TTC39C: variants seen among roughly 807,000 people sequenced by gnomAD.
TTC39C encodes the protein tetratricopeptide repeat domain 39C, also known as tetratricopeptide repeat protein 39C.
In TTC39C, 33 loss-of-function variants were observed where a neutral mutation model predicts 76.3. That is an observed-to-expected ratio of 0.43 (90% CI 0.33 to 0.58). The LOEUF is 0.58. TTC39C is among the 20% of genes least tolerant of loss of function. The pLI is 0.04. For missense variants in TTC39C, 595 were observed against 701.4 expected, an observed-to-expected ratio of 0.85 and a Z score of 1.71; for synonymous variants, 254 against 260.6, an observed-to-expected ratio of 0.97 and a Z score of 0.24.
In TTC39C at chr18:24,080,725, C is replaced by T; in HGVS notation, c.601C>T (p.His201Tyr). The T allele has an allele frequency of 1.2e-6, 2 of 1,614,122 alleles. No individual in the cohort carries two copies. The highest frequency in any genetic ancestry group is 2.2e-5 in the South Asian group (2 of 91,072). Residue 201 changes from histidine (H) to tyrosine (Y), a missense_variant, in exon 5 of 14, where the codon CAC (histidine) becomes TAC (tyrosine). Physicochemically the swap from His to Tyr is moderately conservative, Grantham distance 83. Transcript: ENST00000317571. ...SLTSDAANDN[H>Y]IVAEGVSEES... ...GACTTCTGATGCTGCAAATGATAATCACATTGTGGCTGAAGGGGTGTCTGA... is the reference window on the plus strand; with the variant it reads ...GACTTCTGATGCTGCAAATGATAATTACATTGTGGCTGAAGGGGTGTCTGA...
intron 6 of TTC39C, among the ~76,000 whole-genome samples, chr18:24,109,245 A>G (rs530769570): frequency 4.1e-4 from 62 of 151,496 alleles, no homozygotes; most frequent in African/African-American, 1.5e-3. Flanking sequence ...AGTCCCAACT[A>G]CTCAGGAGGC....
intron 11 of TTC39C, 129 bp downstream of exon 11, chr18:24,129,112 T>A: frequency 3.4e-6 from 2 of 590,610 alleles, no homozygotes; most frequent in East Asian, 3.2e-5. Context: ...ATCCAATTAT[T>A]TGATTAATGC....
At position 24,124,158 on chromosome 18, in the gene TTC39C, A is replaced by T. The variant is rs979898216; in HGVS notation, c.1296+215A>T. The T allele has an allele frequency of 6.6e-5, 27 of 411,496 alleles. 1 individual carries two copies. Among genetic ancestry groups the T allele is most frequent in the Non-Finnish European group, 1.1e-4 (25 of 234,764 alleles). 25.5% of individuals were successfully genotyped at this position (411,496 alleles called of 1,614,324 possible). ...CTGCAAATAATGAAAGCAGATTTTT[A>T]AAAAATCGATGAGTCCTGCAGATAC... On this transcript the variant is annotated intron_variant, in intron 9 of 13. Coordinates refer to ENST00000317571, the MANE Select transcript of TTC39C (RefSeq NM_001135993.2).
intron 4 of TTC39C, among the ~76,000 whole-genome samples, chr18:24,073,330 C>A (rs117496256): frequency 0.032 from 4,870 of 152,316 alleles, 109 homozygotes; most frequent in Admixed American, 0.068. Flanking sequence ...TCTTTCCCAG[C>A]CACCTGCCCT....
chr18:24,028,675 G>T (rs1002001920), intron 1 of TTC39C, among the ~76,000 whole-genome samples: 4 of 152,098 alleles, frequency 2.6e-5, no homozygotes, highest in African/African-American at 9.7e-5. Flanking sequence ...CCTTTGAAAT[G>T]ACTTTTAACT....
chr18:24,015,229 C>T (rs1386745018), intron 1 of TTC39C, 191 bp downstream of exon 1: 2 of 499,130 alleles, frequency 4.0e-6, no homozygotes, highest in South Asian at 5.1e-5. Context: ...CCACCCCCTA[C>T]CCCCGGCTCC....
At chr18:24,099,958 T>C (rs961724004) in intron 6 of TTC39C, among the ~76,000 whole-genome samples, 5 of 152,236 alleles carry the variant, frequency 3.3e-5, no homozygotes, top group Non-Finnish European at 7.3e-5. Context: ...TGTGTTTTCT[T>C]AATTTTATGA....
intron 3 of TTC39C, 68 bp downstream of exon 3, chr18:24,066,208 G>T: frequency 6.6e-7 from 1 of 1,525,274 alleles, no homozygotes; most frequent in East Asian, 2.5e-5. Context: ...TGTTCATTTA[G>T]AACAAAAGCC....
chr18:24,105,766 C>T (rs2084738891), intron 6 of TTC39C, among the ~76,000 whole-genome samples: 1 of 152,220 alleles, frequency 6.6e-6, no homozygotes, highest in Admixed American at 6.5e-5. Context: ...CTTCGTTTCC[C>T]ACGGCTGCCA....
intron 13 of TTC39C, 110 bp from the exon 14 acceptor site, chr18:24,132,375 A>T (rs2085141071): frequency 1.3e-6 from 1 of 752,118 alleles, no homozygotes; most frequent in Admixed American, 2.9e-5. Flanking sequence ...CTTTACTGGG[A>T]GTGTAGAGAT....
In TTC39C at chr18:24,042,683, C is replaced by T. The variant is rs559705774; in HGVS notation, c.168-21457C>T. Among the ~76,000 whole-genome samples the T allele has an allele frequency of 4.6e-5, 7 of 152,236 alleles. No individual in the cohort carries two copies. The East Asian group carries it at 5.8e-4, about 13-fold the overall frequency. ...TTGTCTAGGGGTCAATGATACTATA[C>T]GTAGGCAAATCTCTCTCCAAGAGTT... is the stretch of plus-strand genomic sequence containing the variant. On this transcript the variant is annotated intron_variant, in intron 1 of 13. Coordinates refer to ENST00000317571, the MANE Select transcript of TTC39C (RefSeq NM_001135993.2).
intron 12 of TTC39C, among the ~76,000 whole-genome samples, chr18:24,131,327 G>A (rs60446168): frequency 6.6e-6 from 1 of 151,844 alleles, no homozygotes. Flanking sequence ...TTATATCTTA[G>A]AGGTTGCCTT....
chr18:24,086,681 C>T (rs1484177338), intron 6 of TTC39C, among the ~76,000 whole-genome samples: 2 of 152,226 alleles, frequency 1.3e-5, no homozygotes, highest in African/African-American at 4.8e-5. Flanking sequence ...CGCTTCTCCC[C>T]ACTGCGTGTC....
At chr18:24,128,073 C>G (rs1234569816) in intron 10 of TTC39C, among the ~76,000 whole-genome samples, 1 of 152,064 alleles carries the variant, frequency 6.6e-6, no homozygotes, top group Non-Finnish European at 1.5e-5. Context: ...TGCCTTTGCA[C>G]TTGCTCTTCT....
chr18:24,063,664 C>T (rs543333486), intron 1 of TTC39C, among the ~76,000 whole-genome samples: 27 of 152,008 alleles, frequency 1.8e-4, no homozygotes, highest in Non-Finnish European at 2.9e-4. Context: ...CAGACACCCG[C>T]CACCACTTGC....
chr18:24,056,837 T>A (rs997049025), intron 1 of TTC39C, among the ~76,000 whole-genome samples: 1 of 152,048 alleles, frequency 6.6e-6, no homozygotes, highest in Non-Finnish European at 1.5e-5. Context: ...GTAGAACATA[T>A]GTATGTTTGT....
intron 1 of TTC39C, among the ~76,000 whole-genome samples, chr18:24,051,841 G>A (rs1879469036): frequency 6.6e-6 from 1 of 152,152 alleles, no homozygotes; most frequent in Admixed American, 6.5e-5. Context: ...GATGAAATGG[G>A]AAGTATGAAT....
intron 1 of TTC39C, among the ~76,000 whole-genome samples, chr18:24,043,553 A>G (rs2083824189): frequency 1.3e-5 from 2 of 152,190 alleles, no homozygotes. Context: ...CAGATGCCCC[A>G]TGGGAGGCAG....
At chr18:24,132,242 T>C (rs930849925) in intron 13 of TTC39C, among the ~76,000 whole-genome samples, 2 of 152,208 alleles carry the variant, frequency 1.3e-5, no homozygotes, top group Non-Finnish European at 2.9e-5. Flanking sequence ...ATAAGACTAC[T>C]TTTTCAAGAA....
Sources: gnomAD v4.1 joint callset for allele counts (sites outside exome capture counted in the v4.1 genomes callset) on GRCh38, gnomAD v4.1.1 for gene constraint, MANE v1.5 for transcripts, NCBI Gene and HGNC (gene_info 2026-07-23, HGNC 2026-07-21) for gene names.